The following SLIT3 variants were observed in gnomAD, a reference collection of about 807,000 sequenced individuals.
SLIT3 encodes slit guidance ligand 3.
In SLIT3, 68 loss-of-function variants were observed where a neutral mutation model predicts 184.0. The ratio of observed to expected loss-of-function variants is 0.37; its 90% CI spans 0.30 to 0.45. SLIT3 has a LOEUF of 0.45. Ranked by LOEUF, SLIT3 falls within the 20% of genes least tolerant of loss-of-function variation. The pLI, the probability that SLIT3 is intolerant of heterozygous loss-of-function variation, is 1.00. For missense variants in SLIT3, 1,707 were observed against 2,026.0 expected, an observed-to-expected ratio of 0.84 and a Z score of 3.02; for synonymous variants, 831 against 828.6, an observed-to-expected ratio of 1.00 and a Z score of -0.05.
At chr5:169,260,373 G>A (rs1464417081) in intron 1 of SLIT3, among the ~76,000 whole-genome samples, 1 of 152,100 alleles carries the variant, frequency 6.6e-6, no homozygotes, top group African/African-American at 2.4e-5. Flanking sequence ...TCACAGAAAG[G>A]GCAAGGTTCT....
intron 4 of SLIT3, among the ~76,000 whole-genome samples, chr5:168,968,229 C>T (rs930761890): frequency 2.6e-5 from 4 of 152,320 alleles, no homozygotes; most frequent in African/African-American, 2.4e-5. Flanking sequence ...TAGCGCCCCC[C>T]TCTCCTCCCA....
At position 168,684,010 on chromosome 5, in the gene SLIT3, C is replaced by T; in HGVS notation, c.3642G>A (p.Arg1214=). 6.2e-7 allele frequency: 1 copy of T among 1,605,684 alleles called. No homozygotes were observed. Among genetic ancestry groups the T allele is most frequent in the African/African-American group, 1.3e-5 (1 of 74,644 alleles). ...GGGAACTCAGGCTGTCATAGACCAG[C>T]CGCACGTGGCCCTGGTACAGCTCCA... ...LALELYQGHV[R]LVYDSLSSPP... Residue 1214 remains arginine, a synonymous_variant, in exon 32 of 36, where the codon CGG becomes CGA. Transcript: ENST00000519560.
intron 12 of SLIT3, among the ~76,000 whole-genome samples, chr5:168,782,890 G>A (rs1000087057): frequency 6.6e-6 from 1 of 152,176 alleles, no homozygotes; most frequent in African/African-American, 2.4e-5. Flanking sequence ...GGAACTGAAC[G>A]TGTTTAGGAT....
At chr5:169,128,368 C>T (rs919207460) in intron 4 of SLIT3, among the ~76,000 whole-genome samples, 1 of 151,504 alleles carries the variant, frequency 6.6e-6, no homozygotes, top group Non-Finnish European at 1.5e-5. Context: ...TCTTCAGTAG[C>T]TTCTAAGAAG....
chr5:168,858,001 C>T (rs1758959988), intron 5 of SLIT3, among the ~76,000 whole-genome samples: 1 of 152,264 alleles, frequency 6.6e-6, no homozygotes, highest in Non-Finnish European at 1.5e-5. Context: ...GATGTCTCCT[C>T]TTCCTGCTCA....
intron 20 of SLIT3, among the ~76,000 whole-genome samples, chr5:168,743,024 G>A (rs7724085): frequency 0.34 from 51,315 of 151,898 alleles, 9,892 homozygotes; most frequent in African/African-American, 0.5. Flanking sequence ...CCCAGCTACC[G>A]GAGAGGCTAA....
At chr5:169,181,463 C>T (rs928477132) in intron 4 of SLIT3, among the ~76,000 whole-genome samples, 2 of 150,266 alleles carry the variant, frequency 1.3e-5, no homozygotes, top group Non-Finnish European at 2.9e-5. Context: ...TAAAGTTGGC[C>T]GGGTGCAGTG....
At position 169,127,541 on chromosome 5, in the gene SLIT3, C is replaced by G. The variant is rs180840392; in HGVS notation, c.413+65938G>C. Among the ~76,000 whole-genome samples the G allele has an allele frequency of 2.8e-4, 43 of 152,332 alleles. 1 individual carries two copies. Among genetic ancestry groups the G allele is most frequent in the South Asian group, 8.3e-4 (4 of 4,824 alleles). On this transcript the variant is annotated intron_variant, in intron 4 of 35. Transcript: ENST00000519560. ...AAGAAGATAGTCAGCATTCAAGCAT[C>G]AAGTCTCTGGTAAAAATAGATGCTT... is the stretch of plus-strand genomic sequence containing the variant.
intron 4 of SLIT3, among the ~76,000 whole-genome samples, chr5:169,086,703 A>T (rs566239394): frequency 6.6e-6 from 1 of 152,338 alleles, no homozygotes; most frequent in South Asian, 2.1e-4. Context: ...TTCTGAAAGC[A>T]GTTTGGTAAC....
intron 23 of SLIT3, among the ~76,000 whole-genome samples, 185 bp downstream of exon 23, chr5:168,722,071 T>C (rs1483735501): frequency 6.6e-6 from 1 of 151,842 alleles, no homozygotes; most frequent in Non-Finnish European, 1.5e-5. Flanking sequence ...CGCTGGACCC[T>C]GGGAATGGCA....
intron 20 of SLIT3, among the ~76,000 whole-genome samples, chr5:168,747,807 GT>G (rs1168922138): frequency 6.6e-6 from 1 of 152,116 alleles, no homozygotes; most frequent in Non-Finnish European, 1.5e-5. Context: ...GACCTCATCT[GT>G]AAAATGGGGC....
At chr5:169,208,955 G>C (rs1410443629) in intron 3 of SLIT3, among the ~76,000 whole-genome samples, 1 of 152,186 alleles carries the variant, frequency 6.6e-6, no homozygotes, top group Admixed American at 6.5e-5. Context: ...ATTGACAAAT[G>C]GGATCTAATT....
chr5:169,063,198 C>G (rs775903457), intron 4 of SLIT3, among the ~76,000 whole-genome samples: 1 of 152,152 alleles, frequency 6.6e-6, no homozygotes, highest in African/African-American at 2.4e-5. Context: ...CATGACTGGC[C>G]TTAATGCCGG....
intron 9 of SLIT3, among the ~76,000 whole-genome samples, chr5:168,804,330 A>AAC (rs1756882386): frequency 1.5e-5 from 2 of 129,250 alleles, no homozygotes; most frequent in African/African-American, 2.6e-5. Context: ...AAAAAAAAAA[A>AAC]AAAAAAAAAG....
At chr5:169,188,558 C>T (rs982169498) in intron 4 of SLIT3, among the ~76,000 whole-genome samples, 3 of 152,160 alleles carry the variant, frequency 2.0e-5, no homozygotes, top group Middle Eastern at 3.2e-3. Flanking sequence ...CTTCCCACTC[C>T]AAGTGCAGTG....
intron 3 of SLIT3, among the ~76,000 whole-genome samples, chr5:169,217,698 A>G (rs1581066580): frequency 6.6e-6 from 1 of 152,212 alleles, no homozygotes; most frequent in East Asian, 1.9e-4. Context: ...TTGCTGAATC[A>G]ATGAGCATAT....
At chr5:168,811,887 T>C (rs928218143) in intron 8 of SLIT3, among the ~76,000 whole-genome samples, 10 of 152,192 alleles carry the variant, frequency 6.6e-5, no homozygotes, top group Non-Finnish European at 1.3e-4. Context: ...AATAAAATCA[T>C]TGTGTTGGTG....
At chr5:169,109,603 T>C (rs1241800318) in intron 4 of SLIT3, among the ~76,000 whole-genome samples, 2 of 152,222 alleles carry the variant, frequency 1.3e-5, no homozygotes, top group Non-Finnish European at 2.9e-5. Context: ...ATACAGCCTC[T>C]AGGCTTTTAA....
intron 4 of SLIT3, among the ~76,000 whole-genome samples, chr5:169,118,531 C>T (rs988325750): frequency 6.6e-6 from 1 of 151,970 alleles, no homozygotes; most frequent in East Asian, 1.9e-4. Context: ...TCTTGAGGTC[C>T]TAGGCAGGAC....
Sources: gnomAD v4.1 joint callset for allele counts (sites outside exome capture counted in the v4.1 genomes callset) on GRCh38, gnomAD v4.1.1 for gene constraint, MANE v1.5 for transcripts, NCBI Gene and HGNC (gene_info 2026-07-23, HGNC 2026-07-21) for gene names.